The following TSPAN5 variants were observed in gnomAD, a reference collection of about 807,000 sequenced individuals.
TSPAN5 encodes tetraspanin 5.
In TSPAN5, 10 loss-of-function variants were observed where a neutral mutation model predicts 37.1. That is an observed-to-expected ratio of 0.27 (90% CI 0.17 to 0.46). The LOEUF (loss-of-function observed/expected upper bound fraction) is 0.46. TSPAN5 is among the 20% of genes least tolerant of loss of function. TSPAN5 has a pLI of 1.00. For missense variants in TSPAN5, 195 were observed against 326.6 expected (o/e 0.60, Z 3.11); for synonymous variants, 110 against 118.9 (o/e 0.93, Z 0.48).
At chr4:98,589,408 G>A (rs1170229022) in intron 1 of TSPAN5, among the ~76,000 whole-genome samples, 4 of 152,132 alleles carry the variant, frequency 2.6e-5, no homozygotes, top group East Asian at 3.9e-4. Flanking sequence ...AGAAGAGGCC[G>A]GAAATACTCC....
chr4:98,649,404 T>C (rs2110288819), intron 1 of TSPAN5, among the ~76,000 whole-genome samples: 1 of 152,250 alleles, frequency 6.6e-6, no homozygotes, highest in Non-Finnish European at 1.5e-5. Context: ...AATAATTAAC[T>C]GGAGGGTTAG....
intron 1 of TSPAN5, among the ~76,000 whole-genome samples, chr4:98,629,450 C>T (rs957993774): frequency 5.9e-5 from 9 of 152,188 alleles, no homozygotes; most frequent in Non-Finnish European, 1.0e-4. Context: ...TTGTATCAAT[C>T]GACACACTAG....
intron 1 of TSPAN5, among the ~76,000 whole-genome samples, chr4:98,614,829 G>A (rs527418035): frequency 6.6e-6 from 1 of 152,190 alleles, no homozygotes; most frequent in Non-Finnish European, 1.5e-5. Context: ...AAACGTACAA[G>A]TTCATGTGGA....
At chr4:98,556,729 C>CTAT (rs1273241707) in intron 1 of TSPAN5, among the ~76,000 whole-genome samples, 1 of 152,124 alleles carries the variant, frequency 6.6e-6, no homozygotes, top group Non-Finnish European at 1.5e-5. Flanking sequence ...GAAAAAGTTT[C>CTAT]TATTAGCCCA....
intron 1 of TSPAN5, among the ~76,000 whole-genome samples, chr4:98,652,926 T>C (rs2110293409): frequency 6.6e-6 from 1 of 152,326 alleles, no homozygotes; most frequent in Middle Eastern, 3.4e-3. Flanking sequence ...CTGCGGAGTA[T>C]ATCAAGTGAG....
Position 98,491,704 on chromosome 4 carries a change from G to C in TSPAN5, c.133-4820C>G, listed in dbSNP as rs531054376. Among the ~76,000 whole-genome samples the C allele has an allele frequency of 6.7e-5, 10 of 150,312 alleles. No homozygotes were observed. In the South Asian group the frequency reaches 8.4e-4, roughly 13 times the overall value. On this transcript the variant is annotated intron_variant, in intron 2 of 7. Transcript: ENST00000305798. ...TCTGTCTAAAAAAAAAAAAAAAGGT[G>C]GGGGGGAACATAATCCTGACAACAG...
chr4:98,513,904 A>G (rs537354994), intron 1 of TSPAN5, among the ~76,000 whole-genome samples: 15 of 146,336 alleles, frequency 1.0e-4, no homozygotes, highest in African/African-American at 3.3e-4. Context: ...ATAGATAGAT[A>G]GATAGTATAT....
intron 4 of TSPAN5, among the ~76,000 whole-genome samples, chr4:98,481,045 G>A (rs976136637): frequency 9.2e-5 from 14 of 151,828 alleles, no homozygotes; most frequent in African/African-American, 3.1e-4. Context: ...CTTGCCCTCC[G>A]GTCCTGCCAT....
intron 1 of TSPAN5, among the ~76,000 whole-genome samples, chr4:98,539,818 CCTTT>C (rs70955936): frequency 0.37 from 55,380 of 151,608 alleles, 10,467 homozygotes; most frequent in South Asian, 0.5. Flanking sequence ...GCAGGAACAT[CCTTT>C]CTAAGATCAG....
Position 98,472,519 on chromosome 4 carries a change from G to A in TSPAN5, c.*3C>T, listed in dbSNP as rs764987354. On this transcript the variant is annotated 3_prime_UTR_variant, in exon 8 of 8. Transcript: ENST00000305798. ...GTGTCTTGCAGCAGCGGTTGCAGGG[G>A]GTCTACCAGCTCGCCCTGACAGCTT... 5.6e-6 allele frequency: 9 copies of A among 1,613,646 alleles called. No homozygotes were observed. The South Asian group carries it at 8.8e-5, about 16-fold the overall frequency.
intron 1 of TSPAN5, among the ~76,000 whole-genome samples, chr4:98,651,037 T>C (rs1436255387): frequency 6.6e-6 from 1 of 152,206 alleles, no homozygotes; most frequent in Admixed American, 6.5e-5. Context: ...TTCAATGTAA[T>C]TTGCCATAAA....
At chr4:98,543,564 C>A (rs184556751) in intron 1 of TSPAN5, among the ~76,000 whole-genome samples, 1 of 151,652 alleles carries the variant, frequency 6.6e-6, no homozygotes, top group South Asian at 2.1e-4. Context: ...TACAGGCTCC[C>A]GACACCACGC....
At chr4:98,548,096 A>G (rs1754513937) in intron 1 of TSPAN5, among the ~76,000 whole-genome samples, 1 of 152,002 alleles carries the variant, frequency 6.6e-6, no homozygotes, top group Non-Finnish European at 1.5e-5. Context: ...TTAGGGGTGC[A>G]GAGATGCCCA....
At chr4:98,595,254 T>C in intron 1 of TSPAN5, among the ~76,000 whole-genome samples, 1 of 105,302 alleles carries the variant, frequency 9.5e-6, no homozygotes, top group Non-Finnish European at 1.8e-5. Context: ...TCTCTGATGG[T>C]AGTTTGTATT....
intron 1 of TSPAN5, among the ~76,000 whole-genome samples, chr4:98,644,902 C>A (rs933182430): frequency 6.6e-6 from 1 of 152,174 alleles, no homozygotes; most frequent in Admixed American, 6.5e-5. Context: ...GAAAACAGAA[C>A]ATGGAGTATG....
In TSPAN5 at chr4:98,639,461, G is replaced by A. The variant is rs980903525; in HGVS notation, c.81+18685C>T. Among the ~76,000 whole-genome samples, 9 of 151,514 alleles carry A rather than the reference G, an allele frequency of 5.9e-5. No individual in the cohort carries two copies. In the Middle Eastern group the frequency reaches 0.014, roughly 232 times the overall value. On this transcript the variant is annotated intron_variant, in intron 1 of 7. Coordinates refer to ENST00000305798, the MANE Select transcript of TSPAN5 (RefSeq NM_005723.4). ...GCATCCAGAGTAGCTGAGAAAACAG[G>A]CACACCCCACTGTGACTGGCTAATT...
At chr4:98,502,750 A>T (rs1387559750) in intron 2 of TSPAN5, among the ~76,000 whole-genome samples, 1 of 152,146 alleles carries the variant, frequency 6.6e-6, no homozygotes, top group African/African-American at 2.4e-5. Flanking sequence ...ATGACACCCA[A>T]GGGCACACAT....
chr4:98,636,986 T>A (rs987958705), intron 1 of TSPAN5, among the ~76,000 whole-genome samples: 2 of 152,140 alleles, frequency 1.3e-5, no homozygotes, highest in African/African-American at 4.8e-5. Context: ...CCAAAGCACC[T>A]GATGAGCAGT....
At chr4:98,502,787 A>G (rs886119250) in intron 2 of TSPAN5, among the ~76,000 whole-genome samples, 2 of 152,000 alleles carry the variant, frequency 1.3e-5, no homozygotes, top group East Asian at 1.9e-4. Context: ...ACCCCAAAGG[A>G]AATTTCTAGT....
Sources: gnomAD v4.1 joint callset for allele counts (sites outside exome capture counted in the v4.1 genomes callset) on GRCh38, gnomAD v4.1.1 for gene constraint, MANE v1.5 for transcripts, NCBI Gene and HGNC (gene_info 2026-07-23, HGNC 2026-07-21) for gene names.